The following C2orf42 variants were observed in gnomAD, a reference collection of about 807,000 sequenced individuals.
C2orf42 encodes chromosome 2 open reading frame 42.
In C2orf42, 44 loss-of-function variants were observed where a neutral mutation model predicts 58.9. The ratio of observed to expected loss-of-function variants is 0.75; its 90% CI spans 0.59 to 0.96. The LOEUF is 0.96. C2orf42 is among the 40% of genes least tolerant of loss of function. The pLI is 0.00. For missense variants in C2orf42, 630 were observed against 699.2 expected (o/e 0.90, Z 1.12); for synonymous variants, 239 against 265.4 (o/e 0.90, Z 0.97).
chr2:70,185,774 C>CAT lies in C2orf42; in HGVS notation c.-281-2841_-281-2840dup, dbSNP rs1018679967. 4.6e-3 allele frequency among the ~76,000 whole-genome samples: 682 copies of CAT among 148,724 alleles called. 7 individuals carry two copies. The highest frequency in any genetic ancestry group is 0.012 in the African/African-American group (467 of 39,644). ...ACACACACACATACATATATACACA[C>CAT]ATATATATATATACACACACACATA... On this transcript the variant is annotated intron_variant, in intron 1 of 9. Transcript: ENST00000264434.
intron 1 of C2orf42, among the ~76,000 whole-genome samples, chr2:70,183,694 G>T (rs1674730086): frequency 6.7e-6 from 1 of 149,376 alleles, no homozygotes; most frequent in Non-Finnish European, 1.5e-5. Flanking sequence ...GGGATTACAG[G>T]CGTGAGCCAA....
rs146107703 is a variant in C2orf42, at chr2:70,181,311, G to A, written c.675C>T (p.Ser225=). ...ACTTGTGCGATTTCAGAGTCTGACA[G>A]GAGCAGAAGAAGCGGCGCTCAGGCA... ...KSLPERRFFC[S]CQTLKSHKSN... The change falls in exon 3 of 10, where the codon TCC becomes TCT. Residue 225 remains serine, a synonymous_variant. Coordinates refer to ENST00000264434, the MANE Select transcript of C2orf42 (RefSeq NM_017880.3). The A allele has an allele frequency of 5.8e-4, 933 of 1,613,918 alleles. 1 individual carries two copies. Among genetic ancestry groups the A allele is most frequent in the Non-Finnish European group, 7.6e-4 (894 of 1,179,950 alleles).
chr2:70,184,312 C>T (rs1402770625), intron 1 of C2orf42, among the ~76,000 whole-genome samples: 2 of 151,566 alleles, frequency 1.3e-5, no homozygotes, highest in Non-Finnish European at 2.9e-5. Flanking sequence ...CTGCAACCTC[C>T]GCCTCCCGGG....
chr2:70,161,969 G>C lies in C2orf42; in HGVS notation c.1354-1182C>G, dbSNP rs901329666. ...TGATCCTCTTGCTTCAGCTTTCTTA[G>C]TGGTTGGGACTATAGGCACACACCA... On this transcript the variant is annotated intron_variant, in intron 8 of 9. Transcript: ENST00000264434. Among the ~76,000 whole-genome samples the C allele has an allele frequency of 3.6e-4, 54 of 151,968 alleles. 1 individual carries two copies. Among genetic ancestry groups the C allele is most frequent in the African/African-American group, 1.2e-3 (50 of 41,440 alleles).
chr2:70,152,777 G>C (rs1463634807), intron 9 of C2orf42, among the ~76,000 whole-genome samples: 1 of 152,186 alleles, frequency 6.6e-6, no homozygotes, highest in Non-Finnish European at 1.5e-5. Flanking sequence ...GCTCACGTCT[G>C]TAAACCCAGC....
Position 70,187,805 on chromosome 2 carries a change from C to T in C2orf42, c.-282+3168G>A, listed in dbSNP as rs189476261. Among the ~76,000 whole-genome samples, 699 of 151,894 alleles carry T rather than the reference C, an allele frequency of 4.6e-3. 5 individuals are homozygous for T. Among genetic ancestry groups the T allele is most frequent in the African/African-American group, 0.016 (674 of 41,396 alleles). On this transcript the variant is annotated intron_variant, in intron 1 of 9. Transcript: ENST00000264434. Reference sequence around the variant, plus strand: ...TCCCGGGTTCAAGCAATTCTCCTGCCTCAGCCTCCCGATTAACTGAGACTA... The same window carrying T: ...TCCCGGGTTCAAGCAATTCTCCTGCTTCAGCCTCCCGATTAACTGAGACTA...
intron 6 of C2orf42, among the ~76,000 whole-genome samples, 172 bp downstream of exon 6, chr2:70,169,385 G>A (rs1024919971): frequency 2.0e-5 from 3 of 152,048 alleles, no homozygotes; most frequent in Admixed American, 2.0e-4. Context: ...TGCTGCGCCT[G>A]AATTTTAACT....
At chr2:70,186,014 A>C (rs949179494) in intron 1 of C2orf42, among the ~76,000 whole-genome samples, 1 of 146,258 alleles carries the variant, frequency 6.8e-6, no homozygotes, top group African/African-American at 2.6e-5. Flanking sequence ...AAAAAAAAAA[A>C]GTCTCCAGAT....
In C2orf42 at chr2:70,181,800, T is replaced by C. The variant is rs941502638; in HGVS notation, c.186A>G (p.Glu62=). 13 of 1,614,152 alleles carry C rather than the reference T, an allele frequency of 8.1e-6. No individual in the cohort carries two copies. The highest frequency in any genetic ancestry group is 1.0e-5 in the Non-Finnish European group (12 of 1,180,018). ...CAGAGCCTGTAATGATTTTGACAGCTTCAACACTAGGCTGCTTGCGTGCAC... is the reference window on the plus strand; with the variant it reads ...CAGAGCCTGTAATGATTTTGACAGCCTCAACACTAGGCTGCTTGCGTGCAC... ...RYGARKQPSV[E]AVKIITGSDL... The change falls in exon 3 of 10, where the codon GAA becomes GAG. Residue 62 remains glutamate, a synonymous_variant. Transcript: ENST00000264434.
At chr2:70,150,755 GTTT>G (rs997084495) in intron 9 of C2orf42, among the ~76,000 whole-genome samples, 191 bp from the exon 10 acceptor site, 1 of 151,622 alleles carries the variant, frequency 6.6e-6, no homozygotes, top group Non-Finnish European at 1.5e-5. Flanking sequence ...GGGTTATTTT[GTTT>G]TTTTTGAGAC....
intron 6 of C2orf42, among the ~76,000 whole-genome samples, chr2:70,168,352 A>G (rs1454481524): frequency 7.5e-6 from 1 of 132,958 alleles, no homozygotes; most frequent in Non-Finnish European, 1.5e-5. Flanking sequence ...CAGTGGTGCA[A>G]TCTCAGATCA....
chr2:70,179,738 T>G, intron 3 of C2orf42, 96 bp from the exon 4 acceptor site: 1 of 474,432 alleles, frequency 2.1e-6, no homozygotes, highest in Non-Finnish European at 3.8e-6. Context: ...TTTTTAAAAA[T>G]CCCCCAAACG....
chr2:70,157,979 T>C (rs771108573), intron 9 of C2orf42, among the ~76,000 whole-genome samples: 4 of 152,162 alleles, frequency 2.6e-5, no homozygotes, highest in Non-Finnish European at 4.4e-5. Context: ...GGTGGGCGGA[T>C]CACCAGACGT....
intron 1 of C2orf42, among the ~76,000 whole-genome samples, chr2:70,184,795 TAA>T (rs1674818009): frequency 6.6e-6 from 1 of 151,114 alleles, no homozygotes; most frequent in Non-Finnish European, 1.5e-5. Context: ...CTATTCTTCT[TAA>T]AAAATGTTTT....
At chr2:70,169,033 TATA>T (rs1319632354) in intron 6 of C2orf42, among the ~76,000 whole-genome samples, 3 of 151,978 alleles carry the variant, frequency 2.0e-5, no homozygotes, top group Non-Finnish European at 4.4e-5. Context: ...AGTAATTCTA[TATA>T]ACTATCTTAG....
chr2:70,186,574 G>C (rs187380428), intron 1 of C2orf42, among the ~76,000 whole-genome samples: 87 of 152,292 alleles, frequency 5.7e-4, no homozygotes, highest in Non-Finnish European at 9.7e-4. Context: ...TCTAGAACTA[G>C]AAATACCATT....
intron 1 of C2orf42, among the ~76,000 whole-genome samples, chr2:70,185,645 A>G (rs1674876209): frequency 6.6e-6 from 1 of 151,924 alleles, no homozygotes; most frequent in Admixed American, 6.6e-5. Context: ...CAGGAGGCAG[A>G]GAGGTTGCAG....
intron 9 of C2orf42, among the ~76,000 whole-genome samples, chr2:70,156,425 T>C (rs1672681122): frequency 6.6e-6 from 1 of 151,670 alleles, no homozygotes; most frequent in Admixed American, 6.6e-5. Flanking sequence ...TTCAAGGCTG[T>C]AGTGCACTAT....
chr2:70,153,734 G>A (rs1178130517), intron 9 of C2orf42, among the ~76,000 whole-genome samples: 1 of 150,494 alleles, frequency 6.6e-6, no homozygotes, highest in Non-Finnish European at 1.5e-5. Context: ...ATCAAAGGAA[G>A]GGAAAGCAAT....
Sources: allele counts gnomAD v4.1 joint callset (sites outside exome capture counted in the v4.1 genomes callset), GRCh38; gene constraint gnomAD v4.1.1; transcripts MANE v1.5; gene names NCBI Gene and HGNC (gene_info 2026-07-23, HGNC 2026-07-21).